The following SAR1B variants were observed in gnomAD, a reference collection of about 807,000 sequenced individuals.
The protein encoded by SAR1B is small COPII coat GTPase SAR1B.
A neutral mutation model predicts 26.8 loss-of-function variants in SAR1B; 23 were observed. That is an observed-to-expected ratio of 0.86 (90% CI 0.62 to 1.22). SAR1B has a LOEUF of 1.22. Among genes scored for constraint, SAR1B ranks in the 50% most tolerant of loss-of-function variants. The probability of loss-of-function intolerance (pLI) is 0.00; values close to 1 mark genes in which losing one functional copy is unlikely to be tolerated. For synonymous variants in SAR1B, 65 were observed against 80.8 expected, an observed-to-expected ratio of 0.80 and a Z score of 1.05; for missense variants, 196 against 232.8, an observed-to-expected ratio of 0.84 and a Z score of 1.03.
chr5:134,609,290 G>C (rs557740939), intron 5 of SAR1B, among the ~76,000 whole-genome samples: 4 of 152,276 alleles, frequency 2.6e-5, no homozygotes, highest in Middle Eastern at 3.4e-3. Flanking sequence ...GAATATAACA[G>C]ACATGAAATA....
chr5:134,630,781 A>G (rs1399981770), intron 1 of SAR1B, among the ~76,000 whole-genome samples: 1 of 150,270 alleles, frequency 6.7e-6, no homozygotes, highest in Non-Finnish European at 1.5e-5. Context: ...TCCGTCTCAA[A>G]AAAAAAAAAA....
Position 134,605,725 on chromosome 5 carries a change from T to G in SAR1B, c.*1225A>C, listed in dbSNP as rs1345827963. Reference sequence around the variant, plus strand: ...TTTGTTGTATGGAGTAAGAACTACCTGAGAGCAAATAAGAAAAAAGAAAAT... The same window carrying G: ...TTTGTTGTATGGAGTAAGAACTACCGGAGAGCAAATAAGAAAAAAGAAAAT... On this transcript the variant is annotated 3_prime_UTR_variant, in exon 7 of 7. Coordinates refer to ENST00000402673, the MANE Select transcript of SAR1B (RefSeq NM_016103.4). The G allele has an allele frequency of 1.4e-5, 2 of 146,894 alleles. No homozygotes were observed. Among genetic ancestry groups the G allele is most frequent in the Admixed American group, 6.8e-5 (1 of 14,728 alleles). 9.1% of individuals were successfully genotyped at this position (146,894 alleles called of 1,614,324 possible).
chr5:134,625,954 A>G (rs1054877904), intron 1 of SAR1B: 1 of 152,160 alleles, frequency 6.6e-6, no homozygotes, highest in Non-Finnish European at 1.5e-5. Flanking sequence ...GAGATAATCT[A>G]AGAAGACACA....
In SAR1B at chr5:134,623,503, T is replaced by C. The variant is rs1462642708; in HGVS notation, c.58+459A>G. The stretch of plus-strand genomic sequence containing the variant: ...ATAGCAAGACTCCGTCTCTATAAAA[T>C]TAAAAAAAAAAAAAAAAAGAACTGC... On this transcript the variant is annotated intron_variant, in intron 2 of 6. Coordinates refer to ENST00000402673, the MANE Select transcript of SAR1B (RefSeq NM_016103.4). Among the ~76,000 whole-genome samples, 2 of 6,376 alleles carry C rather than the reference T, an allele frequency of 3.1e-4. 1 individual carries two copies. Among genetic ancestry groups the C allele is most frequent in the African/African-American group, 6.3e-4 (2 of 3,182 alleles). The allele number at this position is 6,376 out of a possible 152,430, so 4.2% of individuals were successfully genotyped here.
At chr5:134,623,574 G>A (rs182910009) in intron 2 of SAR1B, among the ~76,000 whole-genome samples, 503 of 151,046 alleles carry the variant, frequency 3.3e-3, no homozygotes, top group Non-Finnish European at 3.3e-3. Context: ...GCTATTTATG[G>A]TGTACAAGCT....
At chr5:134,619,719 T>C (rs746167301) in intron 3 of SAR1B, among the ~76,000 whole-genome samples, 4 of 152,182 alleles carry the variant, frequency 2.6e-5, no homozygotes, top group Non-Finnish European at 4.4e-5. Context: ...AGATTAATTC[T>C]GTGGTGTACA....
At chr5:134,627,537 G>A (rs1302618537) in intron 1 of SAR1B, among the ~76,000 whole-genome samples, 2 of 150,704 alleles carry the variant, frequency 1.3e-5, no homozygotes, top group African/African-American at 2.4e-5. Flanking sequence ...GGTGGCTCAC[G>A]CCTGTAATCC....
intron 3 of SAR1B, chr5:134,613,690 A>AAATGATACAGGTGAAAT (rs1281559569): frequency 6.6e-6 from 1 of 152,234 alleles, no homozygotes; most frequent in Non-Finnish European, 1.5e-5. Context: ...AATTCATCTT[A>AAATGATACAGGTGAAAT]AATGATACAG....
Position 134,604,436 on chromosome 5 carries a change from C to G in SAR1B, c.*2514G>C. 6.6e-6 allele frequency: 1 copy of G among 152,210 alleles called. No individual in the cohort carries two copies. The highest frequency in any genetic ancestry group is 2.4e-5 in the African/African-American group (1 of 41,440). The allele number at this position is 152,210 out of a possible 1,614,324, so 9.4% of individuals were successfully genotyped here. Reference sequence around the variant, plus strand: ...TGTGCTTCTACTGTTTCTTGCCATCCTCTTAATTTGGTTCTCTTGAAAAAG... The same window carrying G: ...TGTGCTTCTACTGTTTCTTGCCATCGTCTTAATTTGGTTCTCTTGAAAAAG... On this transcript the variant is annotated 3_prime_UTR_variant, in exon 7 of 7. Transcript: ENST00000402673.
intron 2 of SAR1B, among the ~76,000 whole-genome samples, chr5:134,621,990 C>A (rs1298912237): frequency 2.6e-5 from 4 of 152,184 alleles, no homozygotes. Flanking sequence ...TCCCAAGGTG[C>A]TGGGATTATC....
chr5:134,627,293 C>T (rs1366106804), intron 1 of SAR1B, among the ~76,000 whole-genome samples: 5 of 151,420 alleles, frequency 3.3e-5, no homozygotes, highest in East Asian at 4.0e-4. Flanking sequence ...CCTCGTAATC[C>T]GCCCTCCTTG....
intron 3 of SAR1B, among the ~76,000 whole-genome samples, chr5:134,618,736 G>A (rs1253673489): frequency 1.3e-5 from 2 of 152,206 alleles, no homozygotes; most frequent in South Asian, 2.1e-4. Context: ...GGTGGCTCAC[G>A]CCTGTAATCC....
At chr5:134,615,519 TAAG>T (rs201226872) in intron 3 of SAR1B, among the ~76,000 whole-genome samples, 3,681 of 141,410 alleles carry the variant, frequency 0.026, 61 homozygotes, top group African/African-American at 0.06. Context: ...TGTCTGAAAA[TAAG>T]AAGAAATTCT....
intron 3 of SAR1B, among the ~76,000 whole-genome samples, chr5:134,616,437 C>CAAAA (rs200324694): frequency 1.8e-4 from 12 of 68,372 alleles, no homozygotes; most frequent in Admixed American, 1.7e-4. Flanking sequence ...GACTTTGTCT[C>CAAAA]AAAAAAAAAA....
In SAR1B at chr5:134,603,926, C is replaced by T. The variant is rs1255651861; in HGVS notation, c.*3024G>A. On this transcript the variant is annotated 3_prime_UTR_variant, in exon 7 of 7. Transcript: ENST00000402673. ...AAATTTGTATATGGATCCAGGTACA[C>T]AAAACTAAAATTTAGGTCTGCACAG... 2 of 152,130 alleles carry T rather than the reference C, an allele frequency of 1.3e-5. No homozygotes were observed. The highest frequency in any genetic ancestry group is 2.9e-5 in the Non-Finnish European group (2 of 68,008). The allele number at this position is 152,130 out of a possible 1,614,324, so 9.4% of individuals were successfully genotyped here.
At chr5:134,607,721 G>A (rs1236767632) in intron 6 of SAR1B, among the ~76,000 whole-genome samples, 3 of 148,190 alleles carry the variant, frequency 2.0e-5, no homozygotes, top group Non-Finnish European at 3.0e-5. Context: ...GCAATGAGCC[G>A]AGATTGCACC....
Position 134,609,619 on chromosome 5 carries a change from C to T in SAR1B, c.300G>A (p.Val100=), listed in dbSNP as rs201422862. The T allele has an allele frequency of 5.0e-6, 8 of 1,614,106 alleles. No individual in the cohort carries two copies. The African/African-American group carries it at 8.0e-5, about 16-fold the overall frequency. The change falls in exon 5 of 7, where the codon GTG becomes GTA. Residue 100 remains valine, a synonymous_variant. Coordinates refer to ENST00000402673, the MANE Select transcript of SAR1B (RefSeq NM_016103.4). Reference sequence around the variant, plus strand: ...ACAGCCTTTCGTGGTCTGCACAATCCACCAGAAATACAATGCCATTGATAG... The same window carrying T: ...ACAGCCTTTCGTGGTCTGCACAATCTACCAGAAATACAATGCCATTGATAG... ...LPAINGIVFL[V]DCADHERLLE...
chr5:134,617,181 G>A (rs945308891), intron 3 of SAR1B, among the ~76,000 whole-genome samples: 4 of 152,014 alleles, frequency 2.6e-5, no homozygotes, highest in East Asian at 3.9e-4. Flanking sequence ...GCAGTGAGCC[G>A]CGATTGTGCC....
Position 134,603,292 on chromosome 5 carries a change from A to C in SAR1B, c.*3658T>G, listed in dbSNP as rs1344698701. ...CCACATTGAGTCACATACCAAATAC[A>C]GTTTCAGAAAATGTAAACCTTTCCC... On this transcript the variant is annotated 3_prime_UTR_variant, in exon 7 of 7. Coordinates refer to ENST00000402673, the MANE Select transcript of SAR1B (RefSeq NM_016103.4). 6.6e-6 allele frequency: 1 copy of C among 152,252 alleles called. No homozygotes were observed. Among genetic ancestry groups the C allele is most frequent in the African/African-American group, 2.4e-5 (1 of 41,472 alleles). The allele number at this position is 152,252 out of a possible 1,614,324, so 9.4% of individuals were successfully genotyped here.
Sources: gnomAD v4.1 joint callset for allele counts (sites outside exome capture counted in the v4.1 genomes callset) on GRCh38, gnomAD v4.1.1 for gene constraint, MANE v1.5 for transcripts, NCBI Gene and HGNC (gene_info 2026-07-23, HGNC 2026-07-21) for gene names.